Variants in CUBN observed in about 807,000 individuals in gnomAD.
CUBN encodes the protein 460 kDa receptor.
Under a neutral mutation model 405.3 loss-of-function variants are expected in CUBN, and 282 were observed. That is an observed-to-expected ratio of 0.70 (90% CI 0.63 to 0.77). CUBN has a LOEUF of 0.77. Among genes scored for constraint, CUBN ranks in the 30% least tolerant of loss-of-function variants. The pLI is 0.00. For synonymous variants in CUBN, 1,684 were observed against 1,617.0 expected (o/e 1.04, Z -0.99); for missense variants, 4,514 against 4,475.2 (o/e 1.01, Z -0.25).
chr10:16,834,761 T>A (rs1215538757), intron 64 of CUBN, among the ~76,000 whole-genome samples: 1 of 152,154 alleles, frequency 6.6e-6, no homozygotes, highest in Non-Finnish European at 1.5e-5. Context: ...CCTTTCCACA[T>A]TGTGCTGTAA....
At chr10:16,872,550 T>G (rs1269863639) in intron 58 of CUBN, among the ~76,000 whole-genome samples, 2 of 152,128 alleles carry the variant, frequency 1.3e-5, no homozygotes, top group Non-Finnish European at 2.9e-5. Flanking sequence ...TAGTGTTTTA[T>G]AAGAGGCCCT....
At chr10:16,937,805 T>C (rs750947261) in intron 38 of CUBN, 21 bp from the exon 39 acceptor site, 3 of 1,602,096 alleles carry the variant, frequency 1.9e-6, no homozygotes, top group Admixed American at 3.3e-5. Flanking sequence ...AAACAGATAA[T>C]AGAGCATTGT....
At chr10:16,973,461 C>T (rs185069879) in intron 31 of CUBN, among the ~76,000 whole-genome samples, 40 of 152,278 alleles carry the variant, frequency 2.6e-4, no homozygotes, top group Admixed American at 2.1e-3. Flanking sequence ...GAATTACAGA[C>T]GGCAAGTCCT....
intron 10 of CUBN, among the ~76,000 whole-genome samples, chr10:17,107,994 T>G (rs181604733): frequency 2.6e-5 from 4 of 152,250 alleles, no homozygotes; most frequent in African/African-American, 7.2e-5. Flanking sequence ...TGAGTAGAAA[T>G]TTTTTAAGTT....
chr10:16,998,146 C>G (rs1242858112), intron 28 of CUBN, among the ~76,000 whole-genome samples: 1 of 151,740 alleles, frequency 6.6e-6, no homozygotes, highest in African/African-American at 2.4e-5. Flanking sequence ...AGAGTTGTCC[C>G]TGTATTGGGT....
intron 54 of CUBN, among the ~76,000 whole-genome samples, chr10:16,891,974 T>C (rs1841031394): frequency 6.6e-6 from 1 of 152,214 alleles, no homozygotes; most frequent in Non-Finnish European, 1.5e-5. Flanking sequence ...CTTACTTGAC[T>C]ATTCAACATT....
chr10:16,945,541 G>A (rs1297334382), intron 36 of CUBN, among the ~76,000 whole-genome samples: 3 of 152,094 alleles, frequency 2.0e-5, no homozygotes, highest in Non-Finnish European at 4.4e-5. Context: ...GCCAAGGTGG[G>A]TGAATTACTT....
chr10:16,854,343 C>A (rs1839808825), intron 59 of CUBN, among the ~76,000 whole-genome samples: 1 of 152,172 alleles, frequency 6.6e-6, no homozygotes, highest in African/African-American at 2.4e-5. Context: ...TACAGAGGGC[C>A]TTCAATGCTG....
At chr10:16,919,850 C>T (rs1841983234) in intron 44 of CUBN, 113 bp downstream of exon 44, 2 of 1,152,048 alleles carry the variant, frequency 1.7e-6, no homozygotes, top group African/African-American at 1.5e-5. Flanking sequence ...TTTCCCTTTT[C>T]CCCTAGATTT....
At chr10:17,129,025 A>T (rs1787179035) in intron 2 of CUBN, 96 bp downstream of exon 2, 1 of 938,034 alleles carries the variant, frequency 1.1e-6, no homozygotes, top group African/African-American at 1.7e-5. Context: ...AATAATAATT[A>T]AAAAAGATTC....
intron 27 of CUBN, among the ~76,000 whole-genome samples, chr10:17,038,671 A>G (rs1052811227): frequency 2.6e-5 from 4 of 152,240 alleles, no homozygotes; most frequent in African/African-American, 9.6e-5. Context: ...AATGGAAGCT[A>G]GATTTCTGTG....
chr10:16,975,260 G>A (rs561052944), intron 31 of CUBN, among the ~76,000 whole-genome samples: 10 of 152,268 alleles, frequency 6.6e-5, no homozygotes, highest in South Asian at 4.2e-4. Flanking sequence ...CCTAAGACCC[G>A]ATCACATTTG....
Position 16,826,229 on chromosome 10 carries a change from T to C in CUBN, c.10765-1147A>G, listed in dbSNP as rs1838776786. On this transcript the variant is annotated intron_variant, in intron 66 of 66. Transcript: ENST00000377833. ...TGTTTATATTAGCAAAATAAGGAGCTACCTCTGTATGTACACTGTATGTAT... is the reference window on the plus strand; with the variant it reads ...TGTTTATATTAGCAAAATAAGGAGCCACCTCTGTATGTACACTGTATGTAT... 2.0e-5 allele frequency among the ~76,000 whole-genome samples: 3 copies of C among 152,232 alleles called. No homozygotes were observed. The South Asian group carries it at 6.2e-4, about 31-fold the overall frequency.
At chr10:17,050,418 T>C (rs1485910840) in intron 22 of CUBN, among the ~76,000 whole-genome samples, 1 of 152,148 alleles carries the variant, frequency 6.6e-6, no homozygotes, top group African/African-American at 2.4e-5. Context: ...TGAATGACAG[T>C]CCTACTGAGC....
intron 54 of CUBN, among the ~76,000 whole-genome samples, chr10:16,890,995 G>A (rs1000222740): frequency 2.6e-5 from 4 of 152,122 alleles, no homozygotes; most frequent in Non-Finnish European, 4.4e-5. Context: ...CCAAGTATAC[G>A]TATAATCAGC....
At chr10:16,970,203 C>T (rs1424940166) in intron 31 of CUBN, among the ~76,000 whole-genome samples, 1 of 152,216 alleles carries the variant, frequency 6.6e-6, no homozygotes, top group African/African-American at 2.4e-5. Flanking sequence ...GGACACTTTC[C>T]ATTTCATATT....
chr10:16,962,424 G>A (rs1167310581), intron 31 of CUBN, among the ~76,000 whole-genome samples: 1 of 151,026 alleles, frequency 6.6e-6, no homozygotes, highest in Non-Finnish European at 1.5e-5. Context: ...GATAAGAAGT[G>A]AAAATTTTCC....
At chr10:17,126,636 T>C in intron 4 of CUBN, 125 bp downstream of exon 4, 1 of 1,028,190 alleles carries the variant, frequency 9.7e-7, no homozygotes, top group Non-Finnish European at 1.5e-6. Context: ...AGAATTAAAT[T>C]ATGGGAAAAA....
chr10:17,014,357 G>A (rs1834270113), intron 28 of CUBN, among the ~76,000 whole-genome samples: 1 of 152,132 alleles, frequency 6.6e-6, no homozygotes. Context: ...TTTGAAGGCT[G>A]TTTCTGCCCC....
Sources: allele counts gnomAD v4.1 joint callset (sites outside exome capture counted in the v4.1 genomes callset), GRCh38; gene constraint gnomAD v4.1.1; transcripts MANE v1.5; gene names NCBI Gene and HGNC (gene_info 2026-07-23, HGNC 2026-07-21).